The following ANKS1B variants were observed in gnomAD, a reference collection of about 807,000 sequenced individuals.
ANKS1B encodes ankyrin repeat and sterile alpha motif domain containing 1B, also known as ankyrin repeat and sterile alpha motif domain-containing protein 1B.
In ANKS1B, 36 loss-of-function variants were observed where a neutral mutation model predicts 148.3. The observed-to-expected ratio is 0.24, with a 90% confidence interval of 0.19 to 0.32. ANKS1B has a LOEUF of 0.32. Among genes scored for constraint, ANKS1B ranks in the 10% least tolerant of loss-of-function variants. ANKS1B has a pLI of 1.00. For missense variants in ANKS1B, 1,157 were observed against 1,542.6 expected (o/e 0.75, Z 4.19); for synonymous variants, 542 against 560.8 (o/e 0.97, Z 0.47).
intron 12 of ANKS1B, among the ~76,000 whole-genome samples, chr12:99,311,512 A>G (rs1336263217): frequency 6.6e-6 from 1 of 152,198 alleles, no homozygotes; most frequent in East Asian, 1.9e-4. Context: ...ACAAGTATCA[A>G]TATAGAAGTA....
At chr12:99,622,204 G>A (rs954523868) in intron 9 of ANKS1B, among the ~76,000 whole-genome samples, 7 of 151,854 alleles carry the variant, frequency 4.6e-5, no homozygotes, top group African/African-American at 1.7e-4. Context: ...AATAAAAACA[G>A]ACACAACATA....
intron 9 of ANKS1B, among the ~76,000 whole-genome samples, chr12:99,577,310 A>AATAC (rs1279332632): frequency 9.6e-5 from 14 of 145,870 alleles, no homozygotes; most frequent in Non-Finnish European, 4.5e-5. Context: ...TAAATAAATA[A>AATAC]ATAAATAAAT....
intron 9 of ANKS1B, among the ~76,000 whole-genome samples, chr12:99,541,252 A>T (rs536837698): frequency 1.3e-5 from 2 of 152,242 alleles, no homozygotes; most frequent in South Asian, 4.1e-4. Context: ...AACAAAAAAC[A>T]CAAAAAAGGA....
chr12:99,438,896 C>T (rs1476034739), intron 11 of ANKS1B, among the ~76,000 whole-genome samples: 2 of 150,872 alleles, frequency 1.3e-5, no homozygotes, highest in Admixed American at 6.6e-5. Context: ...AAATAAAAGG[C>T]ACAAATATTA....
At chr12:99,112,977 G>A (rs1230362778) in intron 15 of ANKS1B, among the ~76,000 whole-genome samples, 2 of 152,194 alleles carry the variant, frequency 1.3e-5, no homozygotes, top group Non-Finnish European at 2.9e-5. Context: ...AGATAATGCA[G>A]ATAATTTTCT....
chr12:99,189,879 T>C lies in ANKS1B; in HGVS notation c.2420-35484A>G, dbSNP rs185541920. On this transcript the variant is annotated intron_variant, in intron 14 of 26. Coordinates refer to ENST00000683438, the MANE Select transcript of ANKS1B (RefSeq NM_001352186.2). ...GACAAAGAAATAAAGGGTATTCAAA[T>C]AGGAAGAGAGGAAGTCAAATGCCTC... 2.8e-4 allele frequency among the ~76,000 whole-genome samples: 42 copies of C among 152,210 alleles called. 2 individuals are homozygous for C. Among genetic ancestry groups the C allele is most frequent in the Admixed American group, 2.4e-3 (36 of 15,300 alleles).
intron 1 of ANKS1B, among the ~76,000 whole-genome samples, chr12:99,964,340 G>A (rs903101833): frequency 9.9e-5 from 15 of 152,136 alleles, no homozygotes; most frequent in African/African-American, 3.4e-4. Context: ...TATTATCATT[G>A]TCATCACCTA....
intron 15 of ANKS1B, among the ~76,000 whole-genome samples, chr12:99,086,941 T>C (rs2052073151): frequency 6.6e-6 from 1 of 152,164 alleles, no homozygotes; most frequent in South Asian, 2.1e-4. Context: ...TTCTGGGGCA[T>C]GGAGACCACT....
intron 17 of ANKS1B, among the ~76,000 whole-genome samples, chr12:98,972,489 G>C (rs1597818434): frequency 2.0e-5 from 3 of 152,242 alleles, no homozygotes; most frequent in Admixed American, 2.0e-4. Context: ...CCATTTATCA[G>C]ATAAGGAAAC....
intron 21 of ANKS1B, among the ~76,000 whole-genome samples, chr12:98,799,617 G>C (rs1312267267): frequency 6.6e-6 from 1 of 152,050 alleles, no homozygotes; most frequent in Admixed American, 6.5e-5. Context: ...CTGGAGGGCT[G>C]AATGGAGCTA....
At chr12:98,799,476 T>G (rs1333413679) in intron 21 of ANKS1B, among the ~76,000 whole-genome samples, 1 of 144,968 alleles carries the variant, frequency 6.9e-6, no homozygotes, top group Non-Finnish European at 1.5e-5. Flanking sequence ...GTTTTGGACC[T>G]TTTTCATTCA....
chr12:99,617,844 T>G (rs928871198), intron 9 of ANKS1B, among the ~76,000 whole-genome samples: 3 of 151,740 alleles, frequency 2.0e-5, no homozygotes, highest in African/African-American at 7.3e-5. Context: ...CAAATATACA[T>G]AAACATAGAT....
chr12:99,984,374 GCA>G lies in ANKS1B; in HGVS notation c.-139_-138del. 2 of 446,176 alleles carry G rather than the reference GCA, an allele frequency of 4.5e-6. No homozygotes were observed. The highest frequency in any genetic ancestry group is 5.6e-5 in the East Asian group (1 of 17,766). 27.6% of individuals were successfully genotyped at this position (446,176 alleles called of 1,614,324 possible). On this transcript the variant is annotated 5_prime_UTR_variant, in exon 1 of 27. Transcript: ENST00000683438. The stretch of plus-strand genomic sequence containing the variant: ...AGAGCTTCAGCACGGAGAGCTCCCT[GCA>G]GCCCCAGGCAGGGAGCACGACTCTC...
At chr12:99,777,096 C>A (rs564744536) in intron 6 of ANKS1B, among the ~76,000 whole-genome samples, 1 of 152,170 alleles carries the variant, frequency 6.6e-6, no homozygotes, top group Non-Finnish European at 1.5e-5. Flanking sequence ...AGCGTTCAGC[C>A]CACAAGTGGC....
At chr12:99,031,637 C>A in intron 17 of ANKS1B, among the ~76,000 whole-genome samples, 1 of 152,194 alleles carries the variant, frequency 6.6e-6, no homozygotes, top group Admixed American at 6.5e-5. Context: ...TCTGGGAATG[C>A]AGATGTGATG....
intron 1 of ANKS1B, among the ~76,000 whole-genome samples, chr12:99,950,607 T>C (rs2095193951): frequency 6.6e-6 from 1 of 152,228 alleles, no homozygotes. Flanking sequence ...ATTTGTTTCA[T>C]TTGCTTAGTT....
chr12:99,501,693 GTGTAGATATT>G (rs2096657520), intron 10 of ANKS1B, among the ~76,000 whole-genome samples: 1 of 152,168 alleles, frequency 6.6e-6, no homozygotes, highest in Non-Finnish European at 1.5e-5. Context: ...TGGACAGGCT[GTGTAGATATT>G]TGTTTTCAGT....
At chr12:99,443,914 G>T in intron 10 of ANKS1B, 105 bp from the exon 11 acceptor site, 2 of 1,290,146 alleles carry the variant, frequency 1.6e-6, no homozygotes, top group South Asian at 1.5e-5. Context: ...TTTTAAAACT[G>T]GTATCAATTA....
chr12:99,960,165 T>A (rs1010923810), intron 1 of ANKS1B, among the ~76,000 whole-genome samples: 2 of 152,224 alleles, frequency 1.3e-5, no homozygotes, highest in Non-Finnish European at 2.9e-5. Context: ...TTAGAAATAA[T>A]GTTTCAAAGA....
Sources: gnomAD v4.1 joint callset for allele counts (sites outside exome capture counted in the v4.1 genomes callset) on GRCh38, gnomAD v4.1.1 for gene constraint, MANE v1.5 for transcripts, NCBI Gene and HGNC (gene_info 2026-07-23, HGNC 2026-07-21) for gene names.